The following ELOB variants were observed in gnomAD, a reference collection of about 807,000 sequenced individuals.
ELOB encodes the protein elongin-B.
In ELOB, 3 loss-of-function variants were observed where a neutral mutation model predicts 12.9. The ratio of observed to expected loss-of-function variants is 0.23; its 90% confidence interval spans 0.11 to 0.60. ELOB has a LOEUF of 0.60. Ranked by LOEUF, ELOB falls within the 20% of genes least tolerant of loss-of-function variation. ELOB has a pLI of 0.89. For missense variants in ELOB, 126 were observed against 159.2 expected (o/e 0.79, Z 1.12); for synonymous variants, 84 against 67.4 (o/e 1.25, Z -1.21).
At chr16:2,772,316 C>T (rs1238966078) in intron 3 of ELOB, 2 of 434,644 alleles carry the variant, frequency 4.6e-6, no homozygotes, top group East Asian at 4.4e-5. Flanking sequence ...ACCTGAAGGT[C>T]CCCAGCCCTT....
rs1014786220 is a variant in ELOB, at chr16:2,771,899, A to G, written c.*91T>C. 1.3e-6 allele frequency: 2 copies of G among 1,513,148 alleles called. No individual in the cohort carries two copies. The highest frequency in any genetic ancestry group is 1.4e-5 in the African/African-American group (1 of 71,988). The allele number at this position is 1,513,148 out of a possible 1,614,324, so 93.7% of individuals were successfully genotyped here. On this transcript the variant is annotated 3_prime_UTR_variant, in exon 4 of 4. Coordinates refer to ENST00000409906, the MANE Select transcript of ELOB (RefSeq NM_007108.4). Reference sequence around the variant, plus strand: ...CCAAAAGGAGCCCACAGGGAGTGGGACCCATCCCAGGGAGGGGCGGGAAAA... The same window carrying G: ...CCAAAAGGAGCCCACAGGGAGTGGGGCCCATCCCAGGGAGGGGCGGGAAAA...
At chr16:2,774,765 A>G (rs918740034) in intron 3 of ELOB, among the ~76,000 whole-genome samples, 2 of 152,104 alleles carry the variant, frequency 1.3e-5, no homozygotes, top group African/African-American at 4.8e-5. Flanking sequence ...GTGGAAGAAG[A>G]TATCTTGGCG....
At position 2,773,093 on chromosome 16, in the gene ELOB, C is replaced by T. The variant is rs76132205; in HGVS notation, c.245-991G>A. On this transcript the variant is annotated intron_variant, in intron 3 of 3. Transcript: ENST00000409906. ...GGCAAAGGCCTTCCCTGTCTTGTCC[C>T]TACTGTCACCCCAACACACAGCAAA... 4.4e-3 allele frequency among the ~76,000 whole-genome samples: 667 copies of T among 152,268 alleles called. 6 individuals are homozygous for T. Among genetic ancestry groups the T allele is most frequent in the African/African-American group, 0.016 (646 of 41,546 alleles).
At chr16:2,773,867 G>C (rs1479110018) in intron 3 of ELOB, among the ~76,000 whole-genome samples, 1 of 152,186 alleles carries the variant, frequency 6.6e-6, no homozygotes. Flanking sequence ...ACTTCTGGGG[G>C]AACACAGCCC....
At chr16:2,775,275 T>TA (rs1398977762) in intron 3 of ELOB, among the ~76,000 whole-genome samples, 176 bp downstream of exon 3, 62 of 150,458 alleles carry the variant, frequency 4.1e-4, no homozygotes, top group Admixed American at 1.5e-3. Context: ...GCTTCTTTTT[T>TA]AAAAAAAAAA....
chr16:2,776,555 T>A (rs2068801503), intron 2 of ELOB, among the ~76,000 whole-genome samples: 1 of 152,198 alleles, frequency 6.6e-6, no homozygotes, highest in South Asian at 2.1e-4. Context: ...TTTCTTTGCA[T>A]TCACTGAGTT....
chr16:2,776,518 C>G (rs2068801189), intron 2 of ELOB, among the ~76,000 whole-genome samples: 1 of 152,194 alleles, frequency 6.6e-6, no homozygotes, highest in Non-Finnish European at 1.5e-5. Flanking sequence ...CAAACGGTTG[C>G]TTGGTGAAGA....
intron 3 of ELOB, 102 bp from the exon 4 acceptor site, chr16:2,772,204 T>C (rs1229281727): frequency 8.9e-6 from 12 of 1,347,848 alleles, no homozygotes; most frequent in Non-Finnish European, 1.2e-5. Context: ...GGGATCTCCA[T>C]GCGAACGCCC....
intron 2 of ELOB, 64 bp from the exon 3 acceptor site, chr16:2,775,620 C>T: frequency 7.5e-7 from 1 of 1,341,548 alleles, no homozygotes; most frequent in East Asian, 2.3e-5. Flanking sequence ...GACTTCTGAC[C>T]AGCAACTACA....
intron 3 of ELOB, among the ~76,000 whole-genome samples, chr16:2,774,027 T>C (rs962619415): frequency 1.3e-5 from 2 of 152,130 alleles, no homozygotes; most frequent in Admixed American, 6.5e-5. Context: ...GTCAGGAGAT[T>C]GAGACCAGCC....
In ELOB at chr16:2,771,439, G is replaced by A; in HGVS notation, c.*551C>T. The A allele has an allele frequency of 6.2e-7, 1 of 1,614,050 alleles. No homozygotes were observed. On this transcript the variant is annotated 3_prime_UTR_variant, in exon 4 of 4. Coordinates refer to ENST00000409906, the MANE Select transcript of ELOB (RefSeq NM_007108.4). ...TGGGTCTGTAGACTGTTTATTAAAG[G>A]TGTGTTAAGGGGGCAGCCACTTCCC...
intron 2 of ELOB, among the ~76,000 whole-genome samples, chr16:2,776,596 G>A (rs1476514684): frequency 6.6e-6 from 1 of 152,224 alleles, no homozygotes; most frequent in Non-Finnish European, 1.5e-5. Context: ...AGTGTCCGGG[G>A]GGACAGCGTG....
At position 2,777,260 on chromosome 16, in the gene ELOB, T is replaced by G. The variant is rs1005580660; in HGVS notation, c.-21A>C. On this transcript the variant is annotated 5_prime_UTR_variant, in exon 1 of 4. Coordinates refer to ENST00000409906, the MANE Select transcript of ELOB (RefSeq NM_007108.4). ...ACCATCGCGGCTGCTGCCTCTCCCC[T>G]CGACGCGCCGGCGCAGCCGCGCTCC... 1 of 1,018,310 alleles carries G rather than the reference T, an allele frequency of 9.8e-7. No individual in the cohort carries two copies. Among genetic ancestry groups the G allele is most frequent in the African/African-American group, 1.8e-5 (1 of 55,802 alleles). The allele number at this position is 1,018,310 out of a possible 1,614,324, so 63.1% of individuals were successfully genotyped here. A position where few individuals can be genotyped will look rare whatever the true frequency, so the allele number is the denominator to read the frequency against.
chr16:2,775,180 G>A (rs936465788), intron 3 of ELOB, among the ~76,000 whole-genome samples: 6 of 152,038 alleles, frequency 3.9e-5, no homozygotes, highest in African/African-American at 1.5e-4. Flanking sequence ...TGCAGAGCAC[G>A]GAGCCAGGCA....
chr16:2,771,943 G>T lies in ELOB; in HGVS notation c.*47C>A. ...GGGAAAAAGAGGCAGCAACCAGGCAGACTCCCAAATCTCTTTTATTGGGGG... is the reference window on the plus strand; with the variant it reads ...GGGAAAAAGAGGCAGCAACCAGGCATACTCCCAAATCTCTTTTATTGGGGG... On this transcript the variant is annotated 3_prime_UTR_variant, in exon 4 of 4. Transcript: ENST00000409906. The T allele has an allele frequency of 6.3e-7, 1 of 1,585,654 alleles. No homozygotes were observed. Among genetic ancestry groups the T allele is most frequent in the South Asian group, 1.1e-5 (1 of 88,118 alleles).
intron 2 of ELOB, 78 bp from the exon 3 acceptor site, chr16:2,775,634 G>C: frequency 8.6e-7 from 1 of 1,158,926 alleles, no homozygotes; most frequent in Non-Finnish European, 1.2e-6. Flanking sequence ...AACTACACGG[G>C]AAGTCAGAGG....
intron 3 of ELOB, among the ~76,000 whole-genome samples, chr16:2,774,055 C>T (rs1217784763): frequency 1.3e-5 from 2 of 152,160 alleles, no homozygotes; most frequent in Non-Finnish European, 1.5e-5. Context: ...CATGGTGAAA[C>T]CCCATCTCTA....
intron 3 of ELOB, among the ~76,000 whole-genome samples, chr16:2,774,091 G>T (rs985810480): frequency 6.6e-6 from 1 of 152,260 alleles, no homozygotes; most frequent in East Asian, 1.9e-4. Context: ...TTAGCTGGGC[G>T]TGGTGGCACA....
Position 2,771,727 on chromosome 16 carries a change from T to C in ELOB, c.*263A>G. ...CCTTTCCTCCCCCTGGCGTGGTTGG[T>C]GTGGCTGGCTAGCTGCTAACAATGG... On this transcript the variant is annotated 3_prime_UTR_variant, in exon 4 of 4. Coordinates refer to ENST00000409906, the MANE Select transcript of ELOB (RefSeq NM_007108.4). 1 of 1,542,078 alleles carries C rather than the reference T, an allele frequency of 6.5e-7. No homozygotes were observed.
Sources: gnomAD v4.1 joint callset for allele counts (sites outside exome capture counted in the v4.1 genomes callset) on GRCh38, gnomAD v4.1.1 for gene constraint, MANE v1.5 for transcripts, NCBI Gene and HGNC (gene_info 2026-07-23, HGNC 2026-07-21) for gene names.